Variants in PPM1H observed in about 807,000 individuals in gnomAD.
PPM1H encodes the protein protein phosphatase, Mg2+/Mn2+ dependent 1H, also known as protein phosphatase 1H.
In PPM1H, 27 loss-of-function variants were observed where a neutral mutation model predicts 54.9. The ratio of observed to expected loss-of-function variants is 0.49; its 90% CI spans 0.36 to 0.68. The LOEUF is 0.68. Ranked by LOEUF, PPM1H falls within the 30% of genes least tolerant of loss-of-function variation. The pLI is 0.00. For synonymous variants in PPM1H, 305 were observed against 270.8 expected, an observed-to-expected ratio of 1.13 and a Z score of -1.24; for missense variants, 596 against 667.8, an observed-to-expected ratio of 0.89 and a Z score of 1.19.
At chr12:62,716,646 C>T (rs1410810345) in intron 6 of PPM1H, among the ~76,000 whole-genome samples, 4 of 152,174 alleles carry the variant, frequency 2.6e-5, no homozygotes, top group Non-Finnish European at 5.9e-5. Context: ...TCCACCTCAG[C>T]CTCCTGAGGA....
chr12:62,854,359 A>T (rs1358314217), intron 1 of PPM1H, among the ~76,000 whole-genome samples: 1 of 152,154 alleles, frequency 6.6e-6, no homozygotes, highest in Non-Finnish European at 1.5e-5. Flanking sequence ...AGTCTAGAAA[A>T]TCTTAACATT....
At chr12:62,929,226 GTCT>G (rs1872058322) in intron 1 of PPM1H, among the ~76,000 whole-genome samples, 1 of 152,172 alleles carries the variant, frequency 6.6e-6, no homozygotes, top group Non-Finnish European at 1.5e-5. Flanking sequence ...TAATGACTAT[GTCT>G]TATTATATTA....
Position 62,844,505 on chromosome 12 carries a change from T to C in PPM1H, c.246-12226A>G, listed in dbSNP as rs776559013. On this transcript the variant is annotated intron_variant, in intron 1 of 9. Transcript: ENST00000228705. The surrounding 1 kb of genome is among the most constrained non-coding windows in gnomAD (Gnocchi z 5.2). ...CCTCAAGGCTCAAGATAACTTAAAG[T>C]TCCAACAGCTTTAAGTTTGGATTAT... Among the ~76,000 whole-genome samples, 2 of 152,206 alleles carry C rather than the reference T, an allele frequency of 1.3e-5. No individual in the cohort carries two copies. The highest frequency in any genetic ancestry group is 4.1e-4 in the South Asian group (2 of 4,832).
chr12:62,749,406 G>A (rs529752374), intron 4 of PPM1H, among the ~76,000 whole-genome samples: 51 of 152,200 alleles, frequency 3.4e-4, no homozygotes, highest in Non-Finnish European at 5.7e-4. Context: ...GGCACAGGGA[G>A]GAAACATCCA....
At chr12:62,753,758 C>T (rs537359794) in intron 4 of PPM1H, among the ~76,000 whole-genome samples, 3 of 151,970 alleles carry the variant, frequency 2.0e-5, no homozygotes, top group Admixed American at 6.5e-5. Context: ...GTTCTCTCCC[C>T]CTCTCTCTGG....
At chr12:62,727,953 G>A (rs149576241) in intron 5 of PPM1H, among the ~76,000 whole-genome samples, 77 of 151,920 alleles carry the variant, frequency 5.1e-4, no homozygotes, top group African/African-American at 1.8e-3. Context: ...GAGCCACCAC[G>A]CCCAGCCTTA....
chr12:62,697,897 T>C (rs1268845724), intron 6 of PPM1H, among the ~76,000 whole-genome samples: 2 of 152,128 alleles, frequency 1.3e-5, no homozygotes, highest in Non-Finnish European at 2.9e-5. Context: ...AGACAAACTC[T>C]TATTAATATT....
At chr12:62,876,229 C>T (rs1032252748) in intron 1 of PPM1H, among the ~76,000 whole-genome samples, 2 of 152,112 alleles carry the variant, frequency 1.3e-5, no homozygotes, top group Non-Finnish European at 2.9e-5. Context: ...ACACGGAGAG[C>T]AGAAATTTAG....
chr12:62,752,331 A>G (rs2076446841), intron 4 of PPM1H, among the ~76,000 whole-genome samples: 1 of 152,258 alleles, frequency 6.6e-6, no homozygotes, highest in African/African-American at 2.4e-5. Context: ...AATGTCTACA[A>G]ATGGGATCTT....
At position 62,890,717 on chromosome 12, in the gene PPM1H, TACACACACACACACAC is replaced by T. The variant is rs5798665; in HGVS notation, c.245+43759_245+43774del. 1.2e-3 allele frequency among the ~76,000 whole-genome samples: 168 copies of T among 143,290 alleles called. 1 individual carries two copies. The highest frequency in any genetic ancestry group is 4.8e-3 in the East Asian group (23 of 4,748). 94.0% of individuals were successfully genotyped at this position (143,290 alleles called of 152,430 possible). A position where few individuals can be genotyped will look rare whatever the true frequency, so the allele number is the denominator to read the frequency against. On this transcript the variant is annotated intron_variant, in intron 1 of 9. Coordinates refer to ENST00000228705, the MANE Select transcript of PPM1H (RefSeq NM_020700.2). ...TATAATATCATTTCGTGTGTGTGTA[TACACACACACACACAC>T]ACACACACACACACACACACACATA... is the stretch of plus-strand genomic sequence containing the variant.
At chr12:62,706,095 A>G (rs1357960525) in intron 6 of PPM1H, among the ~76,000 whole-genome samples, 1 of 152,216 alleles carries the variant, frequency 6.6e-6, no homozygotes, top group Non-Finnish European at 1.5e-5. Flanking sequence ...ACATCATTTC[A>G]AGGCTTTCCA....
At chr12:62,792,198 G>GA (rs954478905) in intron 3 of PPM1H, among the ~76,000 whole-genome samples, 3 of 152,098 alleles carry the variant, frequency 2.0e-5, no homozygotes, top group African/African-American at 7.2e-5. Context: ...ATGCTTAGGG[G>GA]AAAAAATCAA....
At chr12:62,933,523 C>A (rs1872219220) in intron 1 of PPM1H, among the ~76,000 whole-genome samples, 1 of 152,184 alleles carries the variant, frequency 6.6e-6, no homozygotes, top group African/African-American at 2.4e-5. Flanking sequence ...TGCCAGCCAC[C>A]AGGTTTTGCG....
chr12:62,791,884 A>T (rs2076703181), intron 3 of PPM1H, among the ~76,000 whole-genome samples: 2 of 152,298 alleles, frequency 1.3e-5, no homozygotes, highest in African/African-American at 2.4e-5. Context: ...AGATCGCACC[A>T]CACCACTGCA....
intron 1 of PPM1H, among the ~76,000 whole-genome samples, chr12:62,913,525 G>A (rs1426752543): frequency 4.6e-5 from 7 of 152,096 alleles, no homozygotes; most frequent in African/African-American, 1.7e-4. Context: ...TGTCTGGCTG[G>A]CTGCTTTATG....
chr12:62,687,489 A>G (rs342165), intron 8 of PPM1H, among the ~76,000 whole-genome samples: 36,828 of 151,860 alleles, frequency 0.24, 5,441 homozygotes, highest in East Asian at 0.49. Context: ...GGTCTCAAGC[A>G]ATCCTCCTGC....
At chr12:62,771,832 T>C (rs1341115522) in intron 4 of PPM1H, among the ~76,000 whole-genome samples, 1 of 152,208 alleles carries the variant, frequency 6.6e-6, no homozygotes, top group Non-Finnish European at 1.5e-5. Context: ...CCCGTTACAA[T>C]GTGAGTTCCA....
In PPM1H at chr12:62,900,530, T is replaced by TATAATA. The variant is rs1565823945; in HGVS notation, c.245+33961_245+33962insTATTAT. Among the ~76,000 whole-genome samples, 3 of 75,182 alleles carry TATAATA rather than the reference T, an allele frequency of 4.0e-5. No individual in the cohort carries two copies. In the East Asian group the frequency reaches 9.5e-4, roughly 24 times the overall value. 49.3% of individuals were successfully genotyped at this position (75,182 alleles called of 152,430 possible). A position where few individuals can be genotyped will look rare whatever the true frequency, so the allele number is the denominator to read the frequency against. Reference sequence around the variant, plus strand: ...TGCACATGTACCCTAGAACTTAAAATGTAATAATAATAATAATAATAATAA... The same window carrying TATAATA: ...TGCACATGTACCCTAGAACTTAAAATATAATAGTAATAATAATAATAATAATAATAA... On this transcript the variant is annotated intron_variant, in intron 1 of 9. Coordinates refer to ENST00000228705, the MANE Select transcript of PPM1H (RefSeq NM_020700.2).
intron 5 of PPM1H, 43 bp downstream of exon 5, chr12:62,737,459 T>C: frequency 7.3e-7 from 1 of 1,375,880 alleles, no homozygotes; most frequent in East Asian, 2.5e-5. Flanking sequence ...TCCGATGCCA[T>C]CCCTGATGCC....
Sources: gnomAD v4.1 joint callset for allele counts (sites outside exome capture counted in the v4.1 genomes callset) on GRCh38, gnomAD v4.1.1 for gene constraint, Gnocchi (gnomAD v3.1) non-coding constraint, MANE v1.5 for transcripts, NCBI Gene and HGNC (gene_info 2026-07-23, HGNC 2026-07-21) for gene names.